The following KDM5A variants were observed in gnomAD, a reference collection of about 807,000 sequenced individuals.
KDM5A encodes the protein lysine demethylase 5A, also known as lysine-specific demethylase 5A.
In KDM5A, 42 loss-of-function variants were observed where a neutral mutation model predicts 193.5. The ratio of observed to expected loss-of-function variants is 0.22; its 90% CI spans 0.17 to 0.28. KDM5A has a LOEUF of 0.28. Among genes scored for constraint, KDM5A ranks in the 10% least tolerant of loss-of-function variants. KDM5A has a pLI of 1.00. For missense variants in KDM5A, 1,692 were observed against 2,055.1 expected, an observed-to-expected ratio of 0.82 and a Z score of 3.42; for synonymous variants, 796 against 718.1, an observed-to-expected ratio of 1.11 and a Z score of -1.73.
At chr12:288,299 C>T (rs1943246859) in intron 27 of KDM5A, among the ~76,000 whole-genome samples, 1 of 152,018 alleles carries the variant, frequency 6.6e-6, no homozygotes, top group South Asian at 2.1e-4. Context: ...ATTGTCATTT[C>T]CCCCCCTTTC....
rs1447197630 is a variant in KDM5A at position 307,791 on chromosome 12, T to C, written c.3593A>G (p.Lys1198Arg). 1 of 1,614,198 alleles carries C rather than the reference T, an allele frequency of 6.2e-7. No homozygotes were observed. Residue 1198 changes from lysine to arginine, a missense_variant, in exon 23 of 28, where the codon AAA becomes AGA. Physicochemically the swap from Lys to Arg is conservative, Grantham distance 26. Coordinates refer to ENST00000399788, the MANE Select transcript of KDM5A (RefSeq NM_001042603.3). This position sits in a 1 kb window ranked among gnomAD's most constrained non-coding sequence, Gnocchi z 4.3. ...TTTAGCTTGCCAGCTGGATCCTTTT[T>C]TTTGGGAACTTGATTTAGGAAGAGG... Reference protein sequence around the residue: ...CVPLPKSSSQKKGSSWQAKEV... With the variant: ...CVPLPKSSSQRKGSSWQAKEV...
intron 10 of KDM5A, among the ~76,000 whole-genome samples, chr12:338,578 C>G (rs895885157): frequency 6.6e-6 from 1 of 152,130 alleles, no homozygotes; most frequent in Non-Finnish European, 1.5e-5. Context: ...CATGAGTCCT[C>G]CCTGAATATC....
intron 3 of KDM5A, among the ~76,000 whole-genome samples, chr12:372,978 G>A (rs934477498): frequency 6.6e-6 from 1 of 152,190 alleles, no homozygotes; most frequent in Admixed American, 6.5e-5. Flanking sequence ...TTGATGTGCT[G>A]CTGGATTTGG....
At chr12:344,739 C>A (rs1306579828) in intron 10 of KDM5A, among the ~76,000 whole-genome samples, 1 of 152,142 alleles carries the variant, frequency 6.6e-6, no homozygotes, top group Non-Finnish European at 1.5e-5. Flanking sequence ...CACCACCAGG[C>A]CTGCCTTACA....
chr12:288,254 A>C (rs1943246057), intron 27 of KDM5A, among the ~76,000 whole-genome samples: 2 of 152,220 alleles, frequency 1.3e-5, no homozygotes, highest in South Asian at 4.1e-4. Context: ...AGTATCCTGA[A>C]AACTCAAGAA....
Position 342,773 on chromosome 12 carries a change from T to TA in KDM5A, c.1308+7847_1308+7848insT, listed in dbSNP as rs201072087. Among the ~76,000 whole-genome samples, 360 of 143,726 alleles carry TA rather than the reference T, an allele frequency of 2.5e-3. 11 individuals carry two copies. The East Asian group carries it at 0.049, about 19-fold the overall frequency. The allele number at this position is 143,726 out of a possible 152,430, so 94.3% of individuals were successfully genotyped here. A position where few individuals can be genotyped will look rare whatever the true frequency, so the allele number is the denominator to read the frequency against. Reference sequence around the variant, plus strand: ...CACCGTGCCTGGCCTAAAATGTGATTTAAAAAAAAAAAAAAAAAAACCTGG... The same window carrying TA: ...CACCGTGCCTGGCCTAAAATGTGATTATAAAAAAAAAAAAAAAAAAACCTGG... On this transcript the variant is annotated intron_variant, in intron 10 of 27. Transcript: ENST00000399788.
intron 10 of KDM5A, among the ~76,000 whole-genome samples, chr12:344,431 CCTT>C (rs1271709737): frequency 1.1e-4 from 17 of 152,166 alleles, no homozygotes; most frequent in African/African-American, 3.9e-4. Context: ...CAAAAATACT[CCTT>C]GAGAAGAGCA....
At chr12:321,173 T>A (rs1308490588) in intron 17 of KDM5A, 64 bp from the exon 18 acceptor site, 2 of 1,126,466 alleles carry the variant, frequency 1.8e-6, no homozygotes, top group Non-Finnish European at 2.7e-6. Context: ...TCAAAAGGGC[T>A]CCTAGTCTCT....
intron 5 of KDM5A, among the ~76,000 whole-genome samples, chr12:361,182 T>C (rs1944289668): frequency 6.6e-6 from 1 of 151,550 alleles, no homozygotes; most frequent in South Asian, 2.1e-4. Flanking sequence ...AAGCATTCCA[T>C]GCAGCACCCC....
rs185909152 is a variant in KDM5A, at chr12:326,644, G to A, written c.1968+2191C>T. ...TGGGAGGCCGAGGTGGACGGATCACGAGGTCAGGAGATCGAGACCATCCTG... is the reference window on the plus strand; with the variant it reads ...TGGGAGGCCGAGGTGGACGGATCACAAGGTCAGGAGATCGAGACCATCCTG... On this transcript the variant is annotated intron_variant, in intron 14 of 27. Transcript: ENST00000399788. Among the ~76,000 whole-genome samples the A allele has an allele frequency of 3.1e-3, 474 of 152,132 alleles. 2 individuals carry two copies. Among genetic ancestry groups the A allele is most frequent in the African/African-American group, 0.011 (437 of 41,484 alleles).
chr12:283,128 T>C lies in KDM5A; in HGVS notation c.*2328A>G. ...CACTGATAGTGGAATAGTTAATGGA[T>C]GATTAGGAAGGAAAAATAAAAATTT... On this transcript the variant is annotated 3_prime_UTR_variant, in exon 28 of 28. Transcript: ENST00000399788. 4.3e-6 allele frequency: 1 copy of C among 231,174 alleles called. No individual in the cohort carries two copies. Among genetic ancestry groups the C allele is most frequent in the Non-Finnish European group, 8.6e-6 (1 of 116,778 alleles). The allele number at this position is 231,174 out of a possible 1,614,324, so 14.3% of individuals were successfully genotyped here.
At chr12:301,208 C>T (rs552950617) in intron 24 of KDM5A, among the ~76,000 whole-genome samples, 17 of 152,092 alleles carry the variant, frequency 1.1e-4, no homozygotes, top group Non-Finnish European at 1.0e-4. Context: ...TAACAAAACC[C>T]GGCAGAGACA....
intron 8 of KDM5A, 120 bp from the exon 9 acceptor site, chr12:352,444 G>T: frequency 2.3e-6 from 2 of 865,662 alleles, no homozygotes; most frequent in Non-Finnish European, 1.9e-6. Flanking sequence ...GTCAACCCTA[G>T]ACAACAAAAC....
chr12:312,179 C>T (rs1336095052), intron 20 of KDM5A, among the ~76,000 whole-genome samples: 3 of 152,124 alleles, frequency 2.0e-5, no homozygotes, highest in Non-Finnish European at 4.4e-5. Context: ...TTTTATGATT[C>T]GAGTACACTT....
At chr12:343,743 C>T (rs1293644636) in intron 10 of KDM5A, among the ~76,000 whole-genome samples, 1 of 152,190 alleles carries the variant, frequency 6.6e-6, no homozygotes, top group Non-Finnish European at 1.5e-5. Flanking sequence ...GTCATCTATA[C>T]CAAAACCCCA....
At chr12:319,903 G>A (rs1227539676) in intron 18 of KDM5A, among the ~76,000 whole-genome samples, 1 of 151,818 alleles carries the variant, frequency 6.6e-6, no homozygotes, top group Non-Finnish European at 1.5e-5. Flanking sequence ...CAGGATATAG[G>A]TGATATTTAA....
intron 20 of KDM5A, among the ~76,000 whole-genome samples, 160 bp downstream of exon 20, chr12:312,896 A>G (rs1380404794): frequency 1.3e-5 from 2 of 152,226 alleles, no homozygotes; most frequent in Non-Finnish European, 2.9e-5. Flanking sequence ...CTCAATGCAT[A>G]TCACTTTCGC....
At chr12:331,995 G>C (rs1249961122) in intron 12 of KDM5A, 57 bp from the exon 13 acceptor site, 22 of 1,507,926 alleles carry the variant, frequency 1.5e-5, no homozygotes, top group Non-Finnish European at 1.9e-5. Flanking sequence ...AACAAACAGA[G>C]GAAGACAGAT....
intron 18 of KDM5A, among the ~76,000 whole-genome samples, chr12:320,175 T>C (rs527399488): frequency 1.2e-4 from 19 of 152,262 alleles, no homozygotes; most frequent in South Asian, 6.2e-4. Flanking sequence ...CAACTGACCA[T>C]AGATTCTACA....
Sources: gnomAD v4.1 joint callset for allele counts (sites outside exome capture counted in the v4.1 genomes callset) on GRCh38, gnomAD v4.1.1 for gene constraint, Gnocchi (gnomAD v3.1) non-coding constraint, MANE v1.5 for transcripts, NCBI Gene and HGNC (gene_info 2026-07-23, HGNC 2026-07-21) for gene names.